IQGAP2: variants seen among roughly 807,000 people sequenced by gnomAD.
IQGAP2 encodes the protein ras GTPase-activating-like protein IQGAP2.
IQGAP2 carries 173 observed loss-of-function variants against 201.3 expected under a neutral mutation model. That is an observed-to-expected ratio of 0.86 (90% CI 0.76 to 0.98). The LOEUF is 0.98. Ranked by LOEUF, IQGAP2 falls within the 50% of genes least tolerant of loss-of-function variation. IQGAP2 has a pLI of 0.00. For synonymous variants in IQGAP2, 675 were observed against 673.9 expected, an observed-to-expected ratio of 1.00 and a Z score of -0.03; for missense variants, 1,687 against 1,864.8, an observed-to-expected ratio of 0.90 and a Z score of 1.76.
chr5:76,662,612 A>T (rs1743355452), intron 21 of IQGAP2, among the ~76,000 whole-genome samples: 1 of 152,204 alleles, frequency 6.6e-6, no homozygotes, highest in South Asian at 2.1e-4. Flanking sequence ...AACGATTTAC[A>T]TACATGTCGC....
At chr5:76,593,181 A>G (rs72777520) in intron 9 of IQGAP2, among the ~76,000 whole-genome samples, 26,484 of 152,110 alleles carry the variant, frequency 0.17, 2,513 homozygotes, top group Admixed American at 0.29. Context: ...ATTACATTCC[A>G]CATTTTAATT....
intron 17 of IQGAP2, 53 bp from the exon 18 acceptor site, chr5:76,652,697 A>G: frequency 1.6e-6 from 2 of 1,285,810 alleles, no homozygotes; most frequent in South Asian, 1.2e-5. Context: ...CACTTCCTAG[A>G]TAAATTGGGA....
chr5:76,518,471 C>T (rs893067153), intron 2 of IQGAP2, among the ~76,000 whole-genome samples: 3 of 152,086 alleles, frequency 2.0e-5, no homozygotes, highest in Non-Finnish European at 4.4e-5. Context: ...AGACTTGCCC[C>T]CATGATTCAA....
At chr5:76,522,911 G>A (rs184179248) in intron 2 of IQGAP2, among the ~76,000 whole-genome samples, 73 of 152,010 alleles carry the variant, frequency 4.8e-4, no homozygotes, top group African/African-American at 1.6e-3. Flanking sequence ...ATGTTTTTAT[G>A]TTTCTATTTA....
At chr5:76,532,481 G>T (rs1759365681) in intron 2 of IQGAP2, among the ~76,000 whole-genome samples, 1 of 151,036 alleles carries the variant, frequency 6.6e-6, no homozygotes, top group Non-Finnish European at 1.5e-5. Flanking sequence ...TGAGGATTGG[G>T]TGGGTGGGGG....
chr5:76,442,188 G>C (rs1396635996), intron 1 of IQGAP2, among the ~76,000 whole-genome samples: 1 of 152,180 alleles, frequency 6.6e-6, no homozygotes, highest in Admixed American at 6.5e-5. Flanking sequence ...TCGGGCTACA[G>C]TGCTTTCATA....
intron 2 of IQGAP2, among the ~76,000 whole-genome samples, chr5:76,496,193 T>G (rs1406060850): frequency 6.6e-6 from 1 of 152,214 alleles, no homozygotes; most frequent in Non-Finnish European, 1.5e-5. Flanking sequence ...ACTTAGCAGC[T>G]TACATATTTA....
intron 30 of IQGAP2, among the ~76,000 whole-genome samples, chr5:76,692,441 C>T (rs759106452): frequency 6.6e-6 from 1 of 152,198 alleles, no homozygotes; most frequent in Admixed American, 6.5e-5. Context: ...AGTGAGCCAC[C>T]GCGCCTGGCC....
At chr5:76,524,570 C>T (rs1055271403) in intron 2 of IQGAP2, among the ~76,000 whole-genome samples, 4 of 152,196 alleles carry the variant, frequency 2.6e-5, no homozygotes, top group African/African-American at 7.2e-5. Context: ...CATGATTTCT[C>T]ACTGCTTTTG....
intron 2 of IQGAP2, among the ~76,000 whole-genome samples, chr5:76,538,145 T>G (rs993825038): frequency 6.6e-6 from 1 of 152,168 alleles, no homozygotes; most frequent in Non-Finnish European, 1.5e-5. Context: ...ATTTCTTACA[T>G]GGCAGCGGGC....
chr5:76,697,204 T>C (rs1746828219), intron 32 of IQGAP2, among the ~76,000 whole-genome samples: 1 of 152,254 alleles, frequency 6.6e-6, no homozygotes, highest in Non-Finnish European at 1.5e-5. Context: ...TTTCACTCAG[T>C]CTTGACAGCC....
intron 2 of IQGAP2, among the ~76,000 whole-genome samples, chr5:76,489,167 C>T (rs1017225734): frequency 9.2e-5 from 14 of 152,246 alleles, no homozygotes; most frequent in Middle Eastern, 3.4e-3. Context: ...CGCAGGTGAA[C>T]AGTTTGACCT....
At chr5:76,621,018 C>T (rs1326783134) in intron 13 of IQGAP2, among the ~76,000 whole-genome samples, 2 of 152,170 alleles carry the variant, frequency 1.3e-5, no homozygotes, top group African/African-American at 2.4e-5. Flanking sequence ...TCTAATGTTA[C>T]CTTTAAGATA....
rs1748344853 is a variant in IQGAP2 at position 76,610,918 on chromosome 5, A to G, written c.1358-102A>G. The G allele has an allele frequency of 2.6e-5, 23 of 881,386 alleles. No individual in the cohort carries two copies. In the South Asian group the frequency reaches 4.3e-4, roughly 16 times the overall value. The allele number at this position is 881,386 out of a possible 1,614,324, so 54.6% of individuals were successfully genotyped here. A position where few individuals can be genotyped will look rare whatever the true frequency, so the allele number is the denominator to read the frequency against. Reference sequence around the variant, plus strand: ...GTTTTGTGCTTGCATCTTGCATCCTATAGCCTTGCTGTACTAGTTAATTAG... The same window carrying G: ...GTTTTGTGCTTGCATCTTGCATCCTGTAGCCTTGCTGTACTAGTTAATTAG... On this transcript the variant is annotated intron_variant, in intron 12 of 35. Coordinates refer to ENST00000274364, the MANE Select transcript of IQGAP2 (RefSeq NM_006633.5).
At chr5:76,605,093 C>T (rs1254846809) in intron 11 of IQGAP2, among the ~76,000 whole-genome samples, 1 of 152,152 alleles carries the variant, frequency 6.6e-6, no homozygotes, top group African/African-American at 2.4e-5. Context: ...GCACACTAAA[C>T]TATCTAGTTT....
chr5:76,565,528 C>A (rs1346992301), intron 3 of IQGAP2, among the ~76,000 whole-genome samples: 1 of 152,232 alleles, frequency 6.6e-6, no homozygotes, highest in Non-Finnish European at 1.5e-5. Context: ...GCCCTCCACA[C>A]CAGGTCTGAG....
At chr5:76,539,230 G>T (rs1759792626) in intron 2 of IQGAP2, among the ~76,000 whole-genome samples, 1 of 152,222 alleles carries the variant, frequency 6.6e-6, no homozygotes, top group Non-Finnish European at 1.5e-5. Flanking sequence ...TCTGTCCAGG[G>T]GTTGTAGGGA....
chr5:76,432,928 G>A (rs904595644), intron 1 of IQGAP2, among the ~76,000 whole-genome samples: 18 of 152,066 alleles, frequency 1.2e-4, no homozygotes, highest in Admixed American at 5.9e-4. Context: ...TATTTCCCCT[G>A]CTCCCTCCTT....
chr5:76,445,457 G>A (rs903950006), intron 1 of IQGAP2, among the ~76,000 whole-genome samples: 8 of 150,700 alleles, frequency 5.3e-5, no homozygotes, highest in East Asian at 1.9e-4. Flanking sequence ...AAAATCGGCC[G>A]TTTTAACCTT....
Sources: allele counts gnomAD v4.1 joint callset (sites outside exome capture counted in the v4.1 genomes callset), GRCh38; gene constraint gnomAD v4.1.1; transcripts MANE v1.5; gene names NCBI Gene and HGNC (gene_info 2026-07-23, HGNC 2026-07-21).